Variants in ENTREP3 observed in about 807,000 individuals in gnomAD.
ENTREP3 encodes endosomal transmembrane epsin interactor 3.
At chr1:155,252,722 ATTTTTTTTTTTT>A in the ENTREP3 span, 1 of 13,204 alleles carries the variant, frequency 7.6e-5, no homozygotes, top group Non-Finnish European at 1.2e-4. Flanking sequence ...ATATATATAT[ATTTTTTTTTTTT>A]TTTTTTTTTT....
At chr1:155,253,636 G>A in the ENTREP3 span, 3 of 1,613,092 alleles carry the variant, frequency 1.9e-6, no homozygotes, top group Non-Finnish European at 2.5e-6. Context: ...GTATGCACGA[G>A]GTCCAGGGAG....
the ENTREP3 span, chr1:155,247,362 G>A: frequency 1.9e-5 from 9 of 481,294 alleles, no homozygotes; most frequent in African/African-American, 1.8e-4. Context: ...GAGCTGAGAG[G>A]CCACCTAGAT....
chr1:155,254,551 G>T, the ENTREP3 span: 1 of 1,568,674 alleles, frequency 6.4e-7, no homozygotes, highest in Non-Finnish European at 8.8e-7. This position sits in a 1 kb window ranked among gnomAD's most constrained non-coding sequence, Gnocchi z 4.4. Flanking sequence ...AGGAGGCAGA[G>T]GACCAGGAGA....
At chr1:155,249,172 CT>C in the ENTREP3 span, among the ~76,000 whole-genome samples, 1 of 152,038 alleles carries the variant, frequency 6.6e-6, no homozygotes, top group East Asian at 1.9e-4. Context: ...ACGGCAACCC[CT>C]GCTTTCCAGG....
At chr1:155,251,310 A>G in the ENTREP3 span, 2 of 762,266 alleles carry the variant, frequency 2.6e-6, no homozygotes, top group Non-Finnish European at 4.3e-6. Context: ...CCACGTCTGT[A>G]TGGCAGAAAT....
chr1:155,251,125 T>C, the ENTREP3 span: 2 of 1,612,666 alleles, frequency 1.2e-6, no homozygotes, highest in Non-Finnish European at 1.7e-6. Context: ...CGTTCACAGA[T>C]GCACGAGCCA....
chr1:155,254,556 A>G, the ENTREP3 span: 1 of 1,550,440 alleles, frequency 6.4e-7, no homozygotes. This position sits in a 1 kb window ranked among gnomAD's most constrained non-coding sequence, Gnocchi z 4.4. Flanking sequence ...GCAGAGGACC[A>G]GGAGAGGGAG....
chr1:155,251,528 C>G, the ENTREP3 span: 1 of 1,613,910 alleles, frequency 6.2e-7, no homozygotes, highest in Non-Finnish European at 8.5e-7. Context: ...AGTCCCATGA[C>G]TGCCTCATAA....
At chr1:155,250,600 G>C in the ENTREP3 span, 1 of 1,607,720 alleles carries the variant, frequency 6.2e-7, no homozygotes. The surrounding 1 kb of genome is among the most constrained non-coding windows in gnomAD (Gnocchi z 5.4). Context: ...GCAGCCCGTG[G>C]GGGGCGCCGT....
At chr1:155,248,369 A>G in the ENTREP3 span, 3 of 1,613,906 alleles carry the variant, frequency 1.9e-6, no homozygotes, top group African/African-American at 2.7e-5. Context: ...AGCCATGCCC[A>G]ATCCCCATCC....
the ENTREP3 span, chr1:155,254,734 C>T: frequency 2.5e-6 from 4 of 1,613,892 alleles, no homozygotes; most frequent in South Asian, 1.1e-5. The surrounding 1 kb of genome is among the most constrained non-coding windows in gnomAD (Gnocchi z 4.4). Flanking sequence ...TGAAGGTGAC[C>T]ACCAGGATGC....
At chr1:155,254,072 C>G in the ENTREP3 span, 28 of 1,613,640 alleles carry the variant, frequency 1.7e-5, no homozygotes, top group Admixed American at 4.2e-4. This position sits in a 1 kb window ranked among gnomAD's most constrained non-coding sequence, Gnocchi z 4.4. Flanking sequence ...GCTCTCCCTC[C>G]TCAAATCTCA....
chr1:155,255,236 G>C, the ENTREP3 span: 1 of 379,862 alleles, frequency 2.6e-6, no homozygotes, highest in East Asian at 4.9e-5. This position sits in a 1 kb window ranked among gnomAD's most constrained non-coding sequence, Gnocchi z 5.6. Flanking sequence ...CCCAGGGAGG[G>C]GTGGGGAGGG....
chr1:155,252,499 A>G, the ENTREP3 span, among the ~76,000 whole-genome samples: 3 of 149,942 alleles, frequency 2.0e-5, no homozygotes, highest in Admixed American at 2.0e-4. Context: ...TCTTCCGAGT[A>G]GCTGGGATTA....
the ENTREP3 span, chr1:155,250,515 C>G: frequency 1.3e-6 from 2 of 1,515,762 alleles, no homozygotes; most frequent in East Asian, 2.4e-5. This position sits in a 1 kb window ranked among gnomAD's most constrained non-coding sequence, Gnocchi z 5.4. Context: ...GCCCTCCAAC[C>G]GGTGGCAGCT....
the ENTREP3 span, chr1:155,247,762 A>G: frequency 6.9e-7 from 1 of 1,458,656 alleles, no homozygotes; most frequent in Non-Finnish European, 9.1e-7. Context: ...GGATGTGTTC[A>G]GTGTGACAAG....
the ENTREP3 span, chr1:155,253,458 C>T: frequency 1.7e-6 from 1 of 599,466 alleles, no homozygotes; most frequent in East Asian, 2.9e-5. Flanking sequence ...CCCTTCTCAT[C>T]CTCCCCACTA....
At chr1:155,252,188 C>T in the ENTREP3 span, 1 of 386,548 alleles carries the variant, frequency 2.6e-6, no homozygotes, top group Non-Finnish European at 4.5e-6. Context: ...CACCCTTTAG[C>T]CTCACCTCCA....
the ENTREP3 span, chr1:155,248,090 G>A: frequency 6.2e-7 from 1 of 1,614,218 alleles, no homozygotes; most frequent in Non-Finnish European, 8.5e-7. Context: ...GGGGTCTGGG[G>A]CTTTCCTGGA....
Sources: gnomAD v4.1 joint callset for allele counts (sites outside exome capture counted in the v4.1 genomes callset) on GRCh38, gnomAD v4.1.1 for gene constraint, Gnocchi (gnomAD v3.1) non-coding constraint, MANE v1.5 for transcripts, NCBI Gene and HGNC (gene_info 2026-07-23, HGNC 2026-07-21) for gene names.